PBX1: variants seen among roughly 807,000 people sequenced by gnomAD.
PBX1 encodes pre-B-cell leukemia transcription factor 1.
PBX1 carries 6 observed loss-of-function variants against 53.4 expected under a neutral mutation model. The observed-to-expected ratio is 0.11, with a 90% CI of 0.06 to 0.22. The LOEUF is 0.22. PBX1 is among the 10% of genes least tolerant of loss of function. PBX1 has a pLI of 1.00. For missense variants in PBX1, 251 were observed against 551.4 expected, an observed-to-expected ratio of 0.46 and a Z score of 5.46; for synonymous variants, 204 against 212.3, an observed-to-expected ratio of 0.96 and a Z score of 0.34.
intron 3 of PBX1, among the ~76,000 whole-genome samples, chr1:164,797,267 A>G (rs899038621): frequency 6.6e-6 from 1 of 152,202 alleles, no homozygotes; most frequent in Non-Finnish European, 1.5e-5. Flanking sequence ...GAGCTGGTGC[A>G]CTTGACAATA....
At chr1:164,735,389 G>C (rs192063118) in intron 2 of PBX1, among the ~76,000 whole-genome samples, 85 of 152,272 alleles carry the variant, frequency 5.6e-4, no homozygotes, top group Admixed American at 2.9e-3. Context: ...ACATGTATGT[G>C]CTCCATGAGT....
At chr1:164,788,212 G>C (rs894728492) in intron 2 of PBX1, among the ~76,000 whole-genome samples, 1 of 152,078 alleles carries the variant, frequency 6.6e-6, no homozygotes, top group African/African-American at 2.4e-5. Context: ...TAACATCTCT[G>C]GTGTCCTGGC....
intron 2 of PBX1, among the ~76,000 whole-genome samples, chr1:164,761,008 A>C (rs999620026): frequency 3.9e-5 from 6 of 152,156 alleles, no homozygotes; most frequent in Non-Finnish European, 8.8e-5. Context: ...AAGTATAAGC[A>C]ACCTCTGTCT....
chr1:164,635,006 C>T (rs141316449), intron 2 of PBX1, among the ~76,000 whole-genome samples: 8 of 141,892 alleles, frequency 5.6e-5, no homozygotes, highest in East Asian at 4.2e-4. Context: ...TCTAAGGCTG[C>T]GAATATTCTG....
Position 164,799,881 on chromosome 1 carries a change from G to C in PBX1, c.693G>C (p.Leu231=). The change falls in exon 4 of 9, where the codon CTG becomes CTC. Residue 231 remains leucine, a synonymous_variant. Transcript: ENST00000420696. The part of the protein sequence containing the change: ...EAVMILRSRF[L]DARRKRRNFN... ...TGATGATCCTGCGTTCCCGATTTCT[G>C]GATGCGCGGTGAGTCTCCCATGGGG... 6.2e-7 allele frequency: 1 copy of C among 1,611,320 alleles called. No homozygotes were observed. Among genetic ancestry groups the C allele is most frequent in the Non-Finnish European group, 8.5e-7 (1 of 1,178,186 alleles).
At chr1:164,612,106 A>G (rs1248609870) in intron 2 of PBX1, among the ~76,000 whole-genome samples, 1 of 152,134 alleles carries the variant, frequency 6.6e-6, no homozygotes, top group African/African-American at 2.4e-5. Context: ...ACAGTATAAT[A>G]TATGGGCTCC....
At chr1:164,774,400 G>A (rs1004789614) in intron 2 of PBX1, 1 of 152,100 alleles carries the variant, frequency 6.6e-6, no homozygotes, top group African/African-American at 2.4e-5. Flanking sequence ...CATCTTCAAG[G>A]TGAGGATACA....
At chr1:164,784,440 C>T (rs1392627123) in intron 2 of PBX1, among the ~76,000 whole-genome samples, 1 of 152,194 alleles carries the variant, frequency 6.6e-6, no homozygotes, top group Non-Finnish European at 1.5e-5. Context: ...GGATCCATGC[C>T]CATGCATCCC....
At chr1:164,804,238 T>G (rs541927088) in intron 4 of PBX1, among the ~76,000 whole-genome samples, 1 of 152,252 alleles carries the variant, frequency 6.6e-6, no homozygotes, top group Non-Finnish European at 1.5e-5. Context: ...ACATTTTGTG[T>G]AAGTATTCCA....
At chr1:164,759,106 T>C (rs747820462) in intron 2 of PBX1, among the ~76,000 whole-genome samples, 16 of 152,202 alleles carry the variant, frequency 1.1e-4, no homozygotes, top group Admixed American at 6.5e-5. Flanking sequence ...AAAAATTCAC[T>C]GTACAGCTGT....
Position 164,614,455 on chromosome 1 carries a change from G to A in PBX1, c.265+51144G>A, listed in dbSNP as rs183840988. Among the ~76,000 whole-genome samples the A allele has an allele frequency of 4.2e-3, 646 of 152,064 alleles. 3 individuals carry two copies. The highest frequency in any genetic ancestry group is 6.3e-3 in the Non-Finnish European group (430 of 67,994). ...TTCTTAGGTCGGACCTATCTTATTC[G>A]TTTCCTCTTTTGTTCTCTGCAGCTG... On this transcript the variant is annotated intron_variant, in intron 2 of 8. Transcript: ENST00000420696.
intron 8 of PBX1, chr1:164,828,590 T>A (rs1414959832): frequency 6.6e-6 from 1 of 152,154 alleles, no homozygotes; most frequent in Admixed American, 6.5e-5. Flanking sequence ...CATGCTGTCC[T>A]CAGGCTAGGA....
intron 2 of PBX1, chr1:164,769,903 G>C (rs1412621276): frequency 1.3e-5 from 2 of 152,114 alleles, no homozygotes; most frequent in African/African-American, 2.4e-5. Flanking sequence ...ACTGACTTGA[G>C]ACCAGTACAT....
At chr1:164,645,546 G>T (rs555616085) in intron 2 of PBX1, among the ~76,000 whole-genome samples, 2 of 150,314 alleles carry the variant, frequency 1.3e-5, no homozygotes, top group South Asian at 4.3e-4. Flanking sequence ...GGGCTAAAGA[G>T]TATAGTGGGG....
intron 2 of PBX1, among the ~76,000 whole-genome samples, chr1:164,589,881 A>G (rs1655239332): frequency 6.6e-6 from 1 of 152,182 alleles, no homozygotes; most frequent in Non-Finnish European, 1.5e-5. Flanking sequence ...AAAAATAAAT[A>G]TCTTAATGCT....
chr1:164,655,588 A>T (rs1660122623), intron 2 of PBX1, among the ~76,000 whole-genome samples: 1 of 152,190 alleles, frequency 6.6e-6, no homozygotes, highest in African/African-American at 2.4e-5. Flanking sequence ...TTACTGAGAC[A>T]GTCAAGACAG....
intron 2 of PBX1, among the ~76,000 whole-genome samples, chr1:164,759,186 C>T (rs1210701646): frequency 2.0e-5 from 3 of 152,282 alleles, no homozygotes; most frequent in South Asian, 2.1e-4. Context: ...AGGATAGTGT[C>T]GGTTCTCAAG....
At chr1:164,812,333 G>A (rs1669654628) in intron 6 of PBX1, among the ~76,000 whole-genome samples, 184 bp downstream of exon 6, 1 of 152,298 alleles carries the variant, frequency 6.6e-6, no homozygotes, top group East Asian at 1.9e-4. Context: ...AGAGCAATCT[G>A]TTAGACTTTT....
intron 2 of PBX1, among the ~76,000 whole-genome samples, chr1:164,739,004 G>A (rs1000825841): frequency 6.6e-6 from 1 of 152,010 alleles, no homozygotes; most frequent in Admixed American, 6.5e-5. Flanking sequence ...TTTCTAGTTG[G>A]TGTGATGGCT....
Sources: gnomAD v4.1 joint callset for allele counts (sites outside exome capture counted in the v4.1 genomes callset) on GRCh38, gnomAD v4.1.1 for gene constraint, MANE v1.5 for transcripts, NCBI Gene and HGNC (gene_info 2026-07-23, HGNC 2026-07-21) for gene names.